Variants in AFDN observed in about 807,000 individuals in gnomAD.
AFDN encodes afadin.
Under a neutral mutation model 216.6 loss-of-function variants are expected in AFDN, and 68 were observed. The ratio of observed to expected loss-of-function variants is 0.31; its 90% CI spans 0.26 to 0.38. AFDN has a LOEUF of 0.38. Among genes scored for constraint, AFDN ranks in the 10% least tolerant of loss-of-function variants. The pLI, the probability that AFDN is intolerant of heterozygous loss-of-function variation, is 1.00. For missense variants in AFDN, 2,136 were observed against 2,342.0 expected (o/e 0.91, Z 1.82); for synonymous variants, 868 against 853.7 (o/e 1.02, Z -0.29).
intron 13 of AFDN, among the ~76,000 whole-genome samples, chr6:167,910,220 CTTACA>C (rs1790214317): frequency 6.6e-6 from 1 of 152,198 alleles, no homozygotes; most frequent in South Asian, 2.1e-4. Flanking sequence ...AAGATTATAT[CTTACA>C]TTGTGCTCTG....
At chr6:167,859,068 CTTGTT>C (rs1320958477) in intron 1 of AFDN, among the ~76,000 whole-genome samples, 3 of 109,446 alleles carry the variant, frequency 2.7e-5, no homozygotes, top group Non-Finnish European at 5.7e-5. Context: ...TATGGCCGTT[CTTGTT>C]TTTTTTTTTT....
chr6:167,901,954 A>G (rs1242004215), intron 11 of AFDN, among the ~76,000 whole-genome samples: 2 of 151,854 alleles, frequency 1.3e-5, no homozygotes, highest in East Asian at 3.9e-4. Context: ...TTAGCCGGGC[A>G]TGGTGGCCCT....
At chr6:167,963,537 G>A (rs1369010964) in intron 31 of AFDN, 1 of 1,056,456 alleles carries the variant, frequency 9.5e-7, no homozygotes, top group Non-Finnish European at 1.1e-6. Flanking sequence ...GCTCTATTAG[G>A]ATACAGAACA....
At chr6:167,927,419 C>T (rs1318596267) in intron 23 of AFDN, among the ~76,000 whole-genome samples, 1 of 152,072 alleles carries the variant, frequency 6.6e-6, no homozygotes, top group African/African-American at 2.4e-5. Flanking sequence ...TTTTAAAACT[C>T]TTGATTGACA....
chr6:167,939,163 C>T (rs1377020891), intron 23 of AFDN, among the ~76,000 whole-genome samples: 1 of 152,046 alleles, frequency 6.6e-6, no homozygotes, highest in Non-Finnish European at 1.5e-5. Context: ...ACTAAAAATG[C>T]TGTATTACTA....
rs552319646 is a variant in AFDN at position 167,843,897 on chromosome 6, A to G, written c.105+16660A>G. Among the ~76,000 whole-genome samples, 3 of 152,338 alleles carry G rather than the reference A, an allele frequency of 2.0e-5. No homozygotes were observed. The South Asian group carries it at 6.2e-4, about 32-fold the overall frequency. On this transcript the variant is annotated intron_variant, in intron 1 of 33. Coordinates refer to ENST00000683244, the MANE Select transcript of AFDN (RefSeq NM_001386888.1). ...GACTAAAGGAGAAACACCTTGGGAT[A>G]GTTAGGCTGTTGAAGACTAATGTAA...
intron 30 of AFDN, among the ~76,000 whole-genome samples, chr6:167,955,998 C>A (rs949759728): frequency 2.0e-5 from 3 of 151,126 alleles, no homozygotes; most frequent in Non-Finnish European, 2.9e-5. Context: ...ACCTGTAATG[C>A]CAGCTACTCA....
At chr6:167,913,711 T>C (rs929410088) in intron 16 of AFDN, 7 of 488,146 alleles carry the variant, frequency 1.4e-5, no homozygotes, top group Non-Finnish European at 2.2e-5. Flanking sequence ...TGAGGTTGCC[T>C]GGCCTGCACA....
At chr6:167,927,839 A>G (rs1473065440) in intron 23 of AFDN, among the ~76,000 whole-genome samples, 2 of 152,184 alleles carry the variant, frequency 1.3e-5, no homozygotes, top group East Asian at 3.9e-4. Context: ...GGAGATGTAA[A>G]AGGGGAACTG....
chr6:167,918,741 A>T lies in AFDN; in HGVS notation c.2716A>T (p.Ile906Leu). 1 of 1,614,164 alleles carries T rather than the reference A, an allele frequency of 6.2e-7. No homozygotes were observed. The highest frequency in any genetic ancestry group is 8.5e-7 in the Non-Finnish European group (1 of 1,180,030). ...PDEPFIPTDL[I>L]ENVVTVAENT... Reference sequence around the variant, plus strand: ...GCGTTTGTTTTCCAAACAGGATCTTATAGAAAATGTAGTGACTGTGGCTGA... The same window carrying T: ...GCGTTTGTTTTCCAAACAGGATCTTTTAGAAAATGTAGTGACTGTGGCTGA... The change falls in exon 21 of 34, where the codon ATA (isoleucine) becomes TTA (leucine). Residue 906 changes from isoleucine (I) to leucine (L), a missense_variant. Ile to Leu is a conservative substitution (Grantham distance 5). This residue lies in a region of AFDN where 162 missense variants were observed against 182.6 expected (regional missense o/e 0.89). Coordinates refer to ENST00000683244, the MANE Select transcript of AFDN (RefSeq NM_001386888.1).
At chr6:167,864,362 T>A (rs780798136) in intron 1 of AFDN, 189 bp from the exon 2 acceptor site, 40 of 763,572 alleles carry the variant, frequency 5.2e-5, no homozygotes. Flanking sequence ...AAAGAGAAAT[T>A]GTTAGTAACT....
At chr6:167,926,762 C>T (rs1792593330) in intron 23 of AFDN, among the ~76,000 whole-genome samples, 1 of 152,192 alleles carries the variant, frequency 6.6e-6, no homozygotes, top group Non-Finnish European at 1.5e-5. Context: ...CTGCTCATCT[C>T]TGTCCCCTAA....
At chr6:167,882,401 C>A (rs944533853) in intron 6 of AFDN, among the ~76,000 whole-genome samples, 7 of 151,782 alleles carry the variant, frequency 4.6e-5, no homozygotes, top group African/African-American at 1.7e-4. Context: ...CATGGTGGCT[C>A]ACTCCTGTAA....
intron 32 of AFDN, among the ~76,000 whole-genome samples, chr6:167,967,834 C>G (rs1338223573): frequency 2.6e-5 from 4 of 152,196 alleles, no homozygotes; most frequent in African/African-American, 9.7e-5. Flanking sequence ...TGGTCTCATT[C>G]CTTGCTCAGC....
chr6:167,877,075 G>T (rs1470726679), intron 5 of AFDN, among the ~76,000 whole-genome samples: 2 of 152,160 alleles, frequency 1.3e-5, no homozygotes, highest in Non-Finnish European at 2.9e-5. Flanking sequence ...AGGGGCCTCT[G>T]AGCTCTGTCA....
At chr6:167,875,092 C>T (rs554291039) in intron 4 of AFDN, among the ~76,000 whole-genome samples, 1 of 152,224 alleles carries the variant, frequency 6.6e-6, no homozygotes, top group East Asian at 1.9e-4. Flanking sequence ...TGAATAAACT[C>T]ACTATTAATG....
chr6:167,929,583 A>G (rs1793021237), intron 23 of AFDN, among the ~76,000 whole-genome samples: 1 of 152,214 alleles, frequency 6.6e-6, no homozygotes, highest in Non-Finnish European at 1.5e-5. Context: ...CCCTTAGAGC[A>G]GGACACTCCA....
chr6:167,828,891 A>C (rs1291885618), intron 1 of AFDN, among the ~76,000 whole-genome samples: 1 of 151,970 alleles, frequency 6.6e-6, no homozygotes, highest in Non-Finnish European at 1.5e-5. Flanking sequence ...AAAAATCTCA[A>C]ATCAGAAACA....
At chr6:167,880,722 A>G (rs568871317) in intron 6 of AFDN, among the ~76,000 whole-genome samples, 1 of 152,366 alleles carries the variant, frequency 6.6e-6, no homozygotes, top group East Asian at 1.9e-4. Context: ...AAAATAAGAA[A>G]AATATTAAAA....
Sources: gnomAD v4.1 joint callset for allele counts (sites outside exome capture counted in the v4.1 genomes callset) on GRCh38, gnomAD v4.1.1 for gene constraint, gnomAD v4.1.1 regional missense constraint, MANE v1.5 for transcripts, NCBI Gene and HGNC (gene_info 2026-07-23, HGNC 2026-07-21) for gene names.